The following PKNOX2 variants were observed in gnomAD, a reference collection of about 807,000 sequenced individuals.
PKNOX2 encodes the protein PBX/knotted 1 homeobox 2.
In PKNOX2, 14 loss-of-function variants were observed where a neutral mutation model predicts 53.1. The observed-to-expected ratio is 0.26, with a 90% CI of 0.17 to 0.41. PKNOX2 has a LOEUF of 0.41. Ranked by LOEUF, PKNOX2 falls within the 10% of genes least tolerant of loss-of-function variation. The pLI, the probability that PKNOX2 is intolerant of heterozygous loss-of-function variation, is 1.00. For missense variants in PKNOX2, 496 were observed against 602.8 expected (o/e 0.82, Z 1.85); for synonymous variants, 257 against 242.8 (o/e 1.06, Z -0.54).
At chr11:125,248,874 CGT>C (rs1045369281) in intron 2 of PKNOX2, among the ~76,000 whole-genome samples, 57 of 130,956 alleles carry the variant, frequency 4.4e-4, no homozygotes, top group Middle Eastern at 3.7e-3. Flanking sequence ...ATATATATAA[CGT>C]ATATATATAA....
At chr11:125,259,355 A>G (rs1223431542) in intron 2 of PKNOX2, among the ~76,000 whole-genome samples, 2 of 152,206 alleles carry the variant, frequency 1.3e-5, no homozygotes, top group Non-Finnish European at 2.9e-5. Context: ...GTAATCCCTA[A>G]GATTCCTGCC....
At chr11:125,405,691 G>A (rs185603645) in intron 7 of PKNOX2, among the ~76,000 whole-genome samples, 15 of 152,298 alleles carry the variant, frequency 9.8e-5, no homozygotes, top group African/African-American at 2.6e-4. Context: ...GATGGTGCTC[G>A]GGAGGCACCA....
intron 2 of PKNOX2, among the ~76,000 whole-genome samples, chr11:125,237,292 A>G (rs1942776552): frequency 6.6e-6 from 1 of 152,228 alleles, no homozygotes; most frequent in Non-Finnish European, 1.5e-5. Flanking sequence ...TGCCCTTCAA[A>G]GGCAAGCAGC....
intron 2 of PKNOX2, among the ~76,000 whole-genome samples, chr11:125,273,459 C>A (rs1387197074): frequency 1.3e-5 from 2 of 152,172 alleles, no homozygotes; most frequent in African/African-American, 4.8e-5. Flanking sequence ...CCTGGAGATG[C>A]CTCTGCTACC....
In PKNOX2 at chr11:125,410,988, T is replaced by C; in HGVS notation, c.816+112T>C. The C allele has an allele frequency of 3.5e-6, 3 of 848,860 alleles. No individual in the cohort carries two copies. The South Asian group carries it at 4.6e-5, about 13-fold the overall frequency. 52.6% of individuals were successfully genotyped at this position (848,860 alleles called of 1,614,324 possible). On this transcript the variant is annotated intron_variant, in intron 9 of 12. Coordinates refer to ENST00000298282, the MANE Select transcript of PKNOX2 (RefSeq NM_001382323.2). Reference sequence around the variant, plus strand: ...GTGACTCATTGAATCCTCATCATCCTCTAAGAGGTATCATTACCCCTACTT... The same window carrying C: ...GTGACTCATTGAATCCTCATCATCCCCTAAGAGGTATCATTACCCCTACTT...
chr11:125,254,796 CG>C (rs1254334526), intron 2 of PKNOX2, among the ~76,000 whole-genome samples: 1 of 151,376 alleles, frequency 6.6e-6, no homozygotes, highest in African/African-American at 2.4e-5. Flanking sequence ...ACATTGATGA[CG>C]GTGTCCAGGT....
chr11:125,280,444 C>T (rs1946482347), intron 2 of PKNOX2, among the ~76,000 whole-genome samples: 1 of 152,132 alleles, frequency 6.6e-6, no homozygotes, highest in Non-Finnish European at 1.5e-5. Flanking sequence ...GAGGCTGCAC[C>T]TTCCCTAAAA....
chr11:125,417,860 A>G (rs1955973773), intron 10 of PKNOX2, among the ~76,000 whole-genome samples: 1 of 151,956 alleles, frequency 6.6e-6, no homozygotes, highest in Non-Finnish European at 1.5e-5. Context: ...GCACTCTGCC[A>G]TCCACCACCC....
intron 2 of PKNOX2, among the ~76,000 whole-genome samples, chr11:125,251,579 T>G (rs1643802910): frequency 6.6e-6 from 1 of 151,988 alleles, no homozygotes; most frequent in East Asian, 1.9e-4. Context: ...AGTCCCTTTA[T>G]TGATGAGACT....
rs752579247 is a variant in PKNOX2, at chr11:125,429,108, A to T, written c.1013+20A>T. The T allele has an allele frequency of 3.1e-6, 5 of 1,593,502 alleles. No individual in the cohort carries two copies. The highest frequency in any genetic ancestry group is 4.3e-6 in the Non-Finnish European group (5 of 1,161,332). On this transcript the variant is annotated intron_variant, in intron 11 of 12. Coordinates refer to ENST00000298282, the MANE Select transcript of PKNOX2 (RefSeq NM_001382323.2). ...CAACTGGTGAGTTTGCATCACCTGCATGCAGGCTCCCAGATCCAGGGGCCA... is the reference window on the plus strand; with the variant it reads ...CAACTGGTGAGTTTGCATCACCTGCTTGCAGGCTCCCAGATCCAGGGGCCA...
intron 2 of PKNOX2, among the ~76,000 whole-genome samples, chr11:125,272,471 C>T (rs1945863504): frequency 6.6e-6 from 1 of 152,198 alleles, no homozygotes; most frequent in Admixed American, 6.5e-5. Context: ...GTTAAGGTCA[C>T]ATGATTAATA....
Position 125,201,401 on chromosome 11 carries a change from C to T in PKNOX2, c.-200-33644C>T, listed in dbSNP as rs145294378. Among the ~76,000 whole-genome samples, 34 of 151,944 alleles carry T rather than the reference C, an allele frequency of 2.2e-4. 1 individual carries two copies. The highest frequency in any genetic ancestry group is 1.2e-3 in the Admixed American group (18 of 15,280). Reference sequence around the variant, plus strand: ...TCCTTGGTAGAAAAAAAAAAAGCAGCCTCCCTCCAAAGTTCTGGGGACTTC... The same window carrying T: ...TCCTTGGTAGAAAAAAAAAAAGCAGTCTCCCTCCAAAGTTCTGGGGACTTC... On this transcript the variant is annotated intron_variant, in intron 1 of 12. Coordinates refer to ENST00000298282, the MANE Select transcript of PKNOX2 (RefSeq NM_001382323.2).
rs114723169 is a variant in PKNOX2 at position 125,407,528 on chromosome 11, A to G, written c.589-2668A>G. On this transcript the variant is annotated intron_variant, in intron 7 of 12. Transcript: ENST00000298282. ...CCAGAAGAGGCACAGGCTAGCATGG[A>G]TGATTCCAAACAAGGGATTGAGAAG... is the stretch of plus-strand genomic sequence containing the variant. Among the ~76,000 whole-genome samples the G allele has an allele frequency of 1.1e-3, 172 of 152,312 alleles. 2 individuals carry two copies. Among genetic ancestry groups the G allele is most frequent in the African/African-American group, 3.3e-3 (136 of 41,566 alleles).
intron 2 of PKNOX2, among the ~76,000 whole-genome samples, chr11:125,243,435 T>C (rs1943310305): frequency 6.6e-6 from 1 of 152,212 alleles, no homozygotes; most frequent in African/African-American, 2.4e-5. Flanking sequence ...TTCCCAAGTC[T>C]CTGCCATTGT....
chr11:125,187,268 G>A (rs1371364648), intron 1 of PKNOX2, among the ~76,000 whole-genome samples: 1 of 151,850 alleles, frequency 6.6e-6, no homozygotes, highest in Non-Finnish European at 1.5e-5. Flanking sequence ...AATTCTGATA[G>A]GGATTTCTTT....
intron 2 of PKNOX2, among the ~76,000 whole-genome samples, chr11:125,251,359 T>G (rs1340791729): frequency 1.3e-5 from 2 of 152,170 alleles, no homozygotes; most frequent in Non-Finnish European, 2.9e-5. Context: ...CTAAATGAGG[T>G]GTCTCCTGGA....
intron 2 of PKNOX2, among the ~76,000 whole-genome samples, chr11:125,257,693 G>A (rs960580203): frequency 1.3e-5 from 2 of 152,164 alleles, no homozygotes; most frequent in East Asian, 3.9e-4. Context: ...TCCACCACAC[G>A]GCAAGGACTT....
intron 1 of PKNOX2, among the ~76,000 whole-genome samples, chr11:125,169,086 A>G (rs1955095784): frequency 6.6e-6 from 1 of 152,134 alleles, no homozygotes; most frequent in Non-Finnish European, 1.5e-5. Context: ...ATGCTGTAAG[A>G]TATATATAAA....
At chr11:125,413,126 T>G (rs1955661990) in intron 10 of PKNOX2, among the ~76,000 whole-genome samples, 1 of 152,074 alleles carries the variant, frequency 6.6e-6, no homozygotes, top group Non-Finnish European at 1.5e-5. Context: ...GTTTGCTGAG[T>G]GAGTACATTT....
Sources: allele counts gnomAD v4.1 joint callset (sites outside exome capture counted in the v4.1 genomes callset), GRCh38; gene constraint gnomAD v4.1.1; transcripts MANE v1.5; gene names NCBI Gene and HGNC (gene_info 2026-07-23, HGNC 2026-07-21).